Variants in GATB observed in about 807,000 individuals in gnomAD.
The protein encoded by GATB is glutamyl-tRNA(Gln) amidotransferase subunit B, mitochondrial.
A neutral mutation model predicts 62.3 loss-of-function variants in GATB; 39 were observed. The observed-to-expected ratio is 0.63, with a 90% CI of 0.48 to 0.82. The LOEUF (loss-of-function observed/expected upper bound fraction) is 0.82. GATB is among the 40% of genes least tolerant of loss of function. The pLI is 0.00. For synonymous variants in GATB, 276 were observed against 258.9 expected, an observed-to-expected ratio of 1.07 and a Z score of -0.63; for missense variants, 670 against 684.0, an observed-to-expected ratio of 0.98 and a Z score of 0.23.
intron 9 of GATB, among the ~76,000 whole-genome samples, chr4:151,700,982 A>G (rs1181404991): frequency 6.6e-6 from 1 of 152,146 alleles, no homozygotes; most frequent in African/African-American, 2.4e-5. Flanking sequence ...AACCCTATAC[A>G]TTGATTTTCT....
chr4:151,697,977 A>ATATATATGTG (rs1738520001), intron 9 of GATB, among the ~76,000 whole-genome samples: 3 of 131,864 alleles, frequency 2.3e-5, no homozygotes, highest in African/African-American at 9.7e-5. Flanking sequence ...ATATATATAT[A>ATATATATGTG]TATATATATA....
At chr4:151,694,285 G>A (rs1211026553) in intron 9 of GATB, among the ~76,000 whole-genome samples, 13 of 152,156 alleles carry the variant, frequency 8.5e-5, no homozygotes, top group African/African-American at 2.4e-5. Context: ...GAATCCCTGT[G>A]GGTCCCCAAG....
intron 3 of GATB, among the ~76,000 whole-genome samples, chr4:151,717,574 A>G (rs1738939730): frequency 6.6e-6 from 1 of 152,098 alleles, no homozygotes; most frequent in South Asian, 2.1e-4. Context: ...TCTGCTTTTT[A>G]AAGGAATCAA....
intron 9 of GATB, among the ~76,000 whole-genome samples, chr4:151,693,500 CG>C (rs1196361740): frequency 2.8e-5 from 4 of 144,554 alleles, no homozygotes; most frequent in African/African-American, 1.1e-4. Context: ...ACAGGAAACA[CG>C]ACCCCCCCCT....
chr4:151,697,947 GTGTGTGTATATA>G (rs1463802065), intron 9 of GATB, among the ~76,000 whole-genome samples: 5 of 73,496 alleles, frequency 6.8e-5, no homozygotes, highest in South Asian at 6.0e-4. Flanking sequence ...ATGTGTGTGT[GTGTGTGTATATA>G]TATATATATA....
intron 2 of GATB, among the ~76,000 whole-genome samples, chr4:151,757,713 G>A (rs1314308338): frequency 6.6e-6 from 1 of 152,038 alleles, no homozygotes; most frequent in African/African-American, 2.4e-5. Flanking sequence ...TCCTGACCTT[G>A]TGATTCGCCC....
chr4:151,713,371 G>A (rs930066680), intron 5 of GATB, among the ~76,000 whole-genome samples: 17 of 152,152 alleles, frequency 1.1e-4, no homozygotes, highest in Admixed American at 5.2e-4. Context: ...ACCGGTCCCC[G>A]GAGCTAAAAT....
intron 2 of GATB, among the ~76,000 whole-genome samples, chr4:151,727,144 C>T (rs1432438864): frequency 6.6e-6 from 1 of 152,212 alleles, no homozygotes; most frequent in Non-Finnish European, 1.5e-5. Context: ...TGCTCTTGAA[C>T]TCCTGGGCTC....
intron 2 of GATB, among the ~76,000 whole-genome samples, chr4:151,746,878 T>A (rs530808860): frequency 2.4e-4 from 37 of 152,138 alleles, no homozygotes; most frequent in African/African-American, 7.7e-4. Flanking sequence ...TACATATAAA[T>A]TTACAAATAC....
intron 2 of GATB, among the ~76,000 whole-genome samples, chr4:151,739,313 A>T (rs1004232192): frequency 6.6e-6 from 1 of 152,212 alleles, no homozygotes; most frequent in African/African-American, 2.4e-5. Context: ...ATCCTCTGCC[A>T]TGAGGAACAG....
At chr4:151,734,935 G>C (rs1030916351) in intron 2 of GATB, among the ~76,000 whole-genome samples, 1 of 152,162 alleles carries the variant, frequency 6.6e-6, no homozygotes, top group Non-Finnish European at 1.5e-5. Context: ...ATCAACTCAA[G>C]ATGGATTAAG....
rs780279518 is a variant in GATB, at chr4:151,758,866, T to C, written c.233A>G (p.Asn78Ser). Residue 78 changes from asparagine (N) to serine (S), a missense_variant, in exon 2 of 13, where the codon AAC becomes AGC. Transcript: ENST00000263985. The part of the protein sequence containing the change: ...GLEIHAQISS[N>S]SKLFSGSQVR... ...TTGAGATCCAGAGAAGAGTTTAGAG[T>C]TGGAGGAAATCTGGGCATGAATTTC... The C allele has an allele frequency of 1.9e-6, 3 of 1,611,096 alleles. No homozygotes were observed. Among genetic ancestry groups the C allele is most frequent in the South Asian group, 1.1e-5 (1 of 90,356 alleles).
intron 6 of GATB, 47 bp from the exon 7 acceptor site, chr4:151,705,316 C>A: frequency 8.5e-7 from 1 of 1,172,560 alleles, no homozygotes; most frequent in Non-Finnish European, 1.3e-6. Flanking sequence ...TTATACCTTT[C>A]ATCCAGTCAA....
At chr4:151,697,028 G>C (rs1194406852) in intron 9 of GATB, among the ~76,000 whole-genome samples, 2 of 152,146 alleles carry the variant, frequency 1.3e-5, no homozygotes, top group Non-Finnish European at 2.9e-5. Flanking sequence ...ATATACTGTT[G>C]CTGGGAATGT....
At chr4:151,679,992 T>C (rs1463911226) in intron 10 of GATB, 101 bp from the exon 11 acceptor site, 2 of 1,019,656 alleles carry the variant, frequency 2.0e-6, no homozygotes, top group Admixed American at 3.5e-5. Context: ...TGGGGGTAAA[T>C]ATCGGACCCA....
intron 2 of GATB, among the ~76,000 whole-genome samples, chr4:151,744,461 A>C (rs943687893): frequency 2.0e-5 from 3 of 152,192 alleles, no homozygotes; most frequent in African/African-American, 7.2e-5. Flanking sequence ...ACATATTGAT[A>C]GAAAGTAGAG....
At chr4:151,755,276 C>T (rs978464175) in intron 2 of GATB, among the ~76,000 whole-genome samples, 4 of 152,138 alleles carry the variant, frequency 2.6e-5, no homozygotes, top group Non-Finnish European at 4.4e-5. Flanking sequence ...GAATTTTTAT[C>T]TTTAGCATTG....
chr4:151,716,822 G>A (rs1459972944), intron 4 of GATB, 54 bp downstream of exon 4: 1 of 1,536,496 alleles, frequency 6.5e-7, no homozygotes, highest in Non-Finnish European at 9.0e-7. Flanking sequence ...AGAGGGCCCT[G>A]CTATCCAAGA....
rs1738516232 is a variant in GATB at position 151,697,965 on chromosome 4, A to ATATATATATATATATATATATGTG, written c.1197+3363_1197+3364insCACATATATATATATATATATATA. Among the ~76,000 whole-genome samples the ATATATATATATATATATATATGTG allele has an allele frequency of 1.0e-4, 11 of 109,014 alleles. No individual in the cohort carries two copies. In the East Asian group the frequency reaches 1.4e-3, roughly 14 times the overall value. 71.5% of individuals were successfully genotyped at this position (109,014 alleles called of 152,430 possible). On this transcript the variant is annotated intron_variant, in intron 9 of 12. Coordinates refer to ENST00000263985, the MANE Select transcript of GATB (RefSeq NM_004564.3). ...TGTGTGTGTGTGTGTATATATATAT[A>ATATATATATATATATATATATGTG]TATATATATATATATATATATATAT...
Sources: allele counts gnomAD v4.1 joint callset (sites outside exome capture counted in the v4.1 genomes callset), GRCh38; gene constraint gnomAD v4.1.1; transcripts MANE v1.5; gene names NCBI Gene and HGNC (gene_info 2026-07-23, HGNC 2026-07-21).